RNF180: variants seen among roughly 807,000 people sequenced by gnomAD.
The protein encoded by RNF180 is E3 ubiquitin-protein ligase RNF180.
Under a neutral mutation model 59.2 loss-of-function variants are expected in RNF180, and 38 were observed. The observed-to-expected ratio is 0.64, with a 90% confidence interval of 0.50 to 0.84. The LOEUF (loss-of-function observed/expected upper bound fraction) is 0.84. Among genes scored for constraint, RNF180 ranks in the 40% least tolerant of loss-of-function variants. The pLI, the probability that RNF180 is intolerant of heterozygous loss-of-function variation, is 0.00. For missense variants in RNF180, 705 were observed against 700.9 expected (o/e 1.01, Z -0.07); for synonymous variants, 262 against 240.3 (o/e 1.09, Z -0.84).
At chr5:64,290,887 A>G (rs1360301465) in intron 5 of RNF180, among the ~76,000 whole-genome samples, 3 of 151,918 alleles carry the variant, frequency 2.0e-5, no homozygotes, top group South Asian at 4.2e-4. Context: ...TAAAGTTAAT[A>G]TTGTTATTTT....
intron 2 of RNF180, among the ~76,000 whole-genome samples, chr5:64,209,990 G>T (rs1346848820): frequency 6.6e-6 from 1 of 151,972 alleles, no homozygotes; most frequent in Non-Finnish European, 1.5e-5. Flanking sequence ...TAAAAATTTT[G>T]TGTATGAGTT....
intron 5 of RNF180, among the ~76,000 whole-genome samples, chr5:64,249,730 T>C (rs1018334718): frequency 6.6e-6 from 1 of 152,130 alleles, no homozygotes; most frequent in Admixed American, 6.6e-5. Context: ...GAGAAAAACA[T>C]GGTCATTATG....
At chr5:64,312,935 G>T (rs1743846133) in intron 5 of RNF180, among the ~76,000 whole-genome samples, 1 of 152,072 alleles carries the variant, frequency 6.6e-6, no homozygotes, top group African/African-American at 2.4e-5. Flanking sequence ...TCTATAAAAT[G>T]GTACTATATC....
intron 7 of RNF180, among the ~76,000 whole-genome samples, chr5:64,334,752 A>G (rs557169484): frequency 7.4e-4 from 113 of 152,324 alleles, no homozygotes; most frequent in African/African-American, 2.6e-3. Context: ...TCTTTTTACT[A>G]CTACACTGTA....
At chr5:64,179,058 A>G (rs769021409) in intron 1 of RNF180, among the ~76,000 whole-genome samples, 20 of 152,144 alleles carry the variant, frequency 1.3e-4, no homozygotes, top group Non-Finnish European at 1.3e-4. Context: ...TCCCCAATAT[A>G]TATCATACTT....
At position 64,325,153 on chromosome 5, in the gene RNF180, A is replaced by G. The variant is rs190547172; in HGVS notation, c.1228-33A>G. ...ATCTTAAGGAAACCAATCTCATACT[A>G]AATTAAGAAAAAAGTTTTCTTATGT... On this transcript the variant is annotated intron_variant, in intron 5 of 7. Transcript: ENST00000389100. The G allele has an allele frequency of 4.4e-5, 62 of 1,399,168 alleles. No homozygotes were observed. The Admixed American group carries it at 8.2e-4, about 19-fold the overall frequency. 86.7% of individuals were successfully genotyped at this position (1,399,168 alleles called of 1,614,324 possible). A position where few individuals can be genotyped will look rare whatever the true frequency, so the allele number is the denominator to read the frequency against.
intron 5 of RNF180, among the ~76,000 whole-genome samples, chr5:64,307,294 C>T (rs1348450229): frequency 1.3e-5 from 2 of 151,180 alleles, no homozygotes; most frequent in Admixed American, 6.6e-5. Context: ...GACATGAAAC[C>T]TATTTGCTAT....
At chr5:64,253,188 T>G (rs1381758748) in intron 5 of RNF180, among the ~76,000 whole-genome samples, 1 of 152,182 alleles carries the variant, frequency 6.6e-6, no homozygotes, top group Non-Finnish European at 1.5e-5. Context: ...GTTTGTCAGC[T>G]TTGAAATTCA....
chr5:64,260,030 G>C (rs1377449453), intron 5 of RNF180, among the ~76,000 whole-genome samples: 1 of 152,054 alleles, frequency 6.6e-6, no homozygotes, highest in Non-Finnish European at 1.5e-5. Context: ...ATTATTTTAG[G>C]ATGTCCTCAT....
intron 5 of RNF180, among the ~76,000 whole-genome samples, chr5:64,233,107 G>A (rs1334170258): frequency 6.6e-6 from 1 of 152,128 alleles, no homozygotes; most frequent in African/African-American, 2.4e-5. Flanking sequence ...TCATTTAGGT[G>A]AATTAATTAC....
chr5:64,350,303 C>G (rs920130726), intron 7 of RNF180, among the ~76,000 whole-genome samples: 12 of 151,874 alleles, frequency 7.9e-5, no homozygotes, highest in African/African-American at 2.7e-4. Context: ...TTTGTAGATT[C>G]TGGATATTAG....
At chr5:64,278,487 T>A (rs1259537853) in intron 5 of RNF180, among the ~76,000 whole-genome samples, 1 of 152,136 alleles carries the variant, frequency 6.6e-6, no homozygotes, top group Non-Finnish European at 1.5e-5. Context: ...CAAGAGATTA[T>A]GAGAACTGAA....
intron 5 of RNF180, among the ~76,000 whole-genome samples, chr5:64,321,654 G>GA (rs1441392192): frequency 1.3e-5 from 2 of 151,988 alleles, no homozygotes; most frequent in Admixed American, 1.3e-4. Flanking sequence ...CACAGAATTA[G>GA]AAAAAACTAC....
rs146508659 is a variant in RNF180, at chr5:64,367,525, G to A, written c.1580-2090G>A. Among the ~76,000 whole-genome samples the A allele has an allele frequency of 6.6e-5, 10 of 151,666 alleles. No individual in the cohort carries two copies. The East Asian group carries it at 1.2e-3, about 18-fold the overall frequency. ...TCTGTTTAAATATCACTTATTTCATGTTTATCTTTTTAAATTTCATGTTTT... is the reference window on the plus strand; with the variant it reads ...TCTGTTTAAATATCACTTATTTCATATTTATCTTTTTAAATTTCATGTTTT... On this transcript the variant is annotated intron_variant, in intron 7 of 7. Transcript: ENST00000389100.
At chr5:64,349,583 TTGC>T (rs1033519312) in intron 7 of RNF180, among the ~76,000 whole-genome samples, 1 of 151,708 alleles carries the variant, frequency 6.6e-6, no homozygotes, top group Non-Finnish European at 1.5e-5. Flanking sequence ...CTCTCCCCCC[TTGC>T]CCCCCACCAC....
At chr5:64,333,884 G>A (rs1745017192) in intron 7 of RNF180, among the ~76,000 whole-genome samples, 1 of 152,188 alleles carries the variant, frequency 6.6e-6, no homozygotes, top group African/African-American at 2.4e-5. Flanking sequence ...CTGGGAAAGA[G>A]CTGAGTTATC....
In RNF180 at chr5:64,233,604, C is replaced by T. The variant is rs142231654; in HGVS notation, c.1227+16208C>T. Among the ~76,000 whole-genome samples, 235 of 152,178 alleles carry T rather than the reference C, an allele frequency of 1.5e-3. 1 individual carries two copies. The highest frequency in any genetic ancestry group is 5.2e-3 in the African/African-American group (215 of 41,522). On this transcript the variant is annotated intron_variant, in intron 5 of 7. Coordinates refer to ENST00000389100, the MANE Select transcript of RNF180 (RefSeq NM_001113561.2). The stretch of plus-strand genomic sequence containing the variant: ...AGACCAATGTGTATTGAGTAATATA[C>T]GCCAAAATCTATGAAGGAAACTGAT...
At position 64,371,385 on chromosome 5, in the gene RNF180, A is replaced by G. The variant is rs769304416; in HGVS notation, c.*1571A>G. The G allele has an allele frequency of 2.6e-5, 4 of 151,664 alleles. No homozygotes were observed. Among genetic ancestry groups the G allele is most frequent in the Non-Finnish European group, 4.4e-5 (3 of 67,710 alleles). The allele number at this position is 151,664 out of a possible 1,614,324, so 9.4% of individuals were successfully genotyped here. A position where few individuals can be genotyped will look rare whatever the true frequency, so the allele number is the denominator to read the frequency against. ...ATATGAGGAGTTGCATTATTTTAAG[A>G]ACTTTAAATTGCAGCCATTTCCTAG... On this transcript the variant is annotated 3_prime_UTR_variant, in exon 8 of 8. Transcript: ENST00000389100.
intron 7 of RNF180, among the ~76,000 whole-genome samples, chr5:64,340,972 C>T (rs1276370079): frequency 6.6e-6 from 1 of 152,084 alleles, no homozygotes; most frequent in Non-Finnish European, 1.5e-5. Context: ...TTCCCTCTGA[C>T]TCTTCCTTTT....
Sources: gnomAD v4.1 joint callset for allele counts (sites outside exome capture counted in the v4.1 genomes callset) on GRCh38, gnomAD v4.1.1 for gene constraint, MANE v1.5 for transcripts, NCBI Gene and HGNC (gene_info 2026-07-23, HGNC 2026-07-21) for gene names.